The following PPP1R14C variants were observed in gnomAD, a reference collection of about 807,000 sequenced individuals.
PPP1R14C encodes protein phosphatase 1 regulatory subunit 14C.
Under a neutral mutation model 20.4 loss-of-function variants are expected in PPP1R14C, and 16 were observed. The ratio of observed to expected loss-of-function variants is 0.78; its 90% CI spans 0.53 to 1.19. The LOEUF is 1.19. Among genes scored for constraint, PPP1R14C ranks in the 50% most tolerant of loss-of-function variants. The probability of loss-of-function intolerance (pLI) is 0.00; values close to 1 mark genes in which losing one functional copy is unlikely to be tolerated. For synonymous variants in PPP1R14C, 91 were observed against 91.0 expected (o/e 1.00, Z 0.00); for missense variants, 211 against 220.1 (o/e 0.96, Z 0.26).
At chr6:150,162,034 C>G (rs1185491330) in intron 1 of PPP1R14C, among the ~76,000 whole-genome samples, 2 of 150,468 alleles carry the variant, frequency 1.3e-5, no homozygotes, top group African/African-American at 2.4e-5. Context: ...CCATTTACCC[C>G]CCTCCGTTTA....
At chr6:150,199,143 G>C (rs991889210) in intron 1 of PPP1R14C, among the ~76,000 whole-genome samples, 1 of 152,060 alleles carries the variant, frequency 6.6e-6, no homozygotes, top group Non-Finnish European at 1.5e-5. Flanking sequence ...AGATATGACG[G>C]GTCAGTGGCT....
chr6:150,168,982 T>C (rs1777468303), intron 1 of PPP1R14C, among the ~76,000 whole-genome samples: 1 of 152,190 alleles, frequency 6.6e-6, no homozygotes, highest in Non-Finnish European at 1.5e-5. Context: ...GCTCAAGTCA[T>C]TGTCCTGCCT....
Position 150,249,370 on chromosome 6 carries a change from G to A in PPP1R14C, c.*550G>A. 2.5e-6 allele frequency: 1 copy of A among 398,906 alleles called. No homozygotes were observed. Among genetic ancestry groups the A allele is most frequent in the Non-Finnish European group, 4.4e-6 (1 of 226,086 alleles). The allele number at this position is 398,906 out of a possible 1,614,324, so 24.7% of individuals were successfully genotyped here. A position where few individuals can be genotyped will look rare whatever the true frequency, so the allele number is the denominator to read the frequency against. ...CACATGTGTTTTCAAGAGGCCACTA[G>A]GCATTCTTCACTGAGTGCTGCTGAC... On this transcript the variant is annotated 3_prime_UTR_variant, in exon 4 of 4. Transcript: ENST00000361131.
At chr6:150,150,037 T>G (rs958367976) in intron 1 of PPP1R14C, among the ~76,000 whole-genome samples, 3 of 152,238 alleles carry the variant, frequency 2.0e-5, no homozygotes, top group African/African-American at 7.2e-5. Flanking sequence ...CGGGACACAA[T>G]TCTTCAACAT....
At chr6:150,144,359 T>C (rs866358957) in intron 1 of PPP1R14C, among the ~76,000 whole-genome samples, 3 of 152,226 alleles carry the variant, frequency 2.0e-5, no homozygotes, top group Non-Finnish European at 4.4e-5. Context: ...GTGTATACAT[T>C]TGATTTAGGG....
intron 1 of PPP1R14C, among the ~76,000 whole-genome samples, chr6:150,161,268 A>G (rs1404124713): frequency 1.2e-5 from 1 of 80,116 alleles, no homozygotes; most frequent in Non-Finnish European, 2.3e-5. Flanking sequence ...TGACAGAGCA[A>G]GACTGTTTAA....
In PPP1R14C at chr6:150,185,442, A is replaced by G. The variant is rs1340030448; in HGVS notation, c.307-29302A>G. 6.6e-6 allele frequency among the ~76,000 whole-genome samples: 1 copy of G among 152,102 alleles called. No individual in the cohort carries two copies. The highest frequency in any genetic ancestry group is 1.5e-5 in the Non-Finnish European group (1 of 68,036). On this transcript the variant is annotated intron_variant, in intron 1 of 3. Transcript: ENST00000361131. The surrounding 1 kb of genome is among the most constrained non-coding windows in gnomAD (Gnocchi z 4.1). ...GTCTTGCCATGGGGACCATCCTTGC[A>G]TTAACCACAGGAATTTCCAGCAACA...
In PPP1R14C at chr6:150,157,344, C is replaced by T. The variant is rs115595983; in HGVS notation, c.306+13846C>T. ...TCCATGCTTGTGAATGTCTTCCTAA[C>T]TCTAGCCCCACTTTACAAAATCAAA... is the stretch of plus-strand genomic sequence containing the variant. On this transcript the variant is annotated intron_variant, in intron 1 of 3. Transcript: ENST00000361131. 7.4e-3 allele frequency among the ~76,000 whole-genome samples: 1,121 copies of T among 152,312 alleles called. 8 individuals carry two copies. The highest frequency in any genetic ancestry group is 0.025 in the African/African-American group (1,054 of 41,552).
chr6:150,201,898 T>C lies in PPP1R14C; in HGVS notation c.307-12846T>C, dbSNP rs1314192232. Among the ~76,000 whole-genome samples, 1 of 152,136 alleles carries C rather than the reference T, an allele frequency of 6.6e-6. No homozygotes were observed. The highest frequency in any genetic ancestry group is 2.4e-5 in the African/African-American group (1 of 41,424). ...AGAGGAGGGGTCAGGAGTGAAGTAT[T>C]CCATGAACCGTCACATTGCCTGCAT... On this transcript the variant is annotated intron_variant, in intron 1 of 3. Coordinates refer to ENST00000361131, the MANE Select transcript of PPP1R14C (RefSeq NM_030949.3). This position sits in a 1 kb window ranked among gnomAD's most constrained non-coding sequence, Gnocchi z 4.2.
At chr6:150,200,598 C>T (rs1777865303) in intron 1 of PPP1R14C, among the ~76,000 whole-genome samples, 1 of 152,196 alleles carries the variant, frequency 6.6e-6, no homozygotes. Flanking sequence ...CCTTTGGACA[C>T]ACCCCTAGGT....
intron 1 of PPP1R14C, chr6:150,194,733 G>A (rs1777782963): frequency 1.0e-6 from 1 of 985,258 alleles, no homozygotes; most frequent in African/African-American, 1.7e-5. Context: ...ACGTAAAAGA[G>A]GCTCTTATAA....
chr6:150,143,745 G>C lies in PPP1R14C; in HGVS notation c.306+247G>C, dbSNP rs1390603666. 6.6e-6 allele frequency among the ~76,000 whole-genome samples: 1 copy of C among 152,072 alleles called. No homozygotes were observed. Among genetic ancestry groups the C allele is most frequent in the African/African-American group, 2.4e-5 (1 of 41,414 alleles). On this transcript the variant is annotated intron_variant, in intron 1 of 3. Coordinates refer to ENST00000361131, the MANE Select transcript of PPP1R14C (RefSeq NM_030949.3). This position sits in a 1 kb window ranked among gnomAD's most constrained non-coding sequence, Gnocchi z 5.6. ...ATCTGCGGGCCCCCTTGGTGGCCGT[G>C]GGGAGGGTTGGGTCCCGCGGAGCAC... is the stretch of plus-strand genomic sequence containing the variant.
At chr6:150,156,134 C>A (rs1777303849) in intron 1 of PPP1R14C, among the ~76,000 whole-genome samples, 1 of 151,446 alleles carries the variant, frequency 6.6e-6, no homozygotes, top group Non-Finnish European at 1.5e-5. Context: ...TCTTTCTTTG[C>A]CAGGTTTGCA....
chr6:150,167,948 C>T (rs1028065370), intron 1 of PPP1R14C, among the ~76,000 whole-genome samples: 6 of 152,130 alleles, frequency 3.9e-5, no homozygotes, highest in African/African-American at 1.4e-4. Context: ...TCTCCGTTCT[C>T]CCCTTCTCTC....
intron 1 of PPP1R14C, among the ~76,000 whole-genome samples, chr6:150,172,216 C>T (rs1362990136): frequency 3.3e-5 from 5 of 152,140 alleles, no homozygotes; most frequent in South Asian, 2.1e-4. Flanking sequence ...CATCATTAGA[C>T]GGGTTATAGA....
At chr6:150,204,594 C>T (rs377481560) in intron 1 of PPP1R14C, among the ~76,000 whole-genome samples, 4 of 152,332 alleles carry the variant, frequency 2.6e-5, no homozygotes, top group South Asian at 4.1e-4. Context: ...GCACAACGTG[C>T]GTGGGCATGA....
chr6:150,154,950 A>C (rs7765984), intron 1 of PPP1R14C, among the ~76,000 whole-genome samples: 40,491 of 152,100 alleles, frequency 0.27, 5,578 homozygotes, highest in South Asian at 0.38. Context: ...GTTTGACTTA[A>C]GATTTTTAGG....
chr6:150,206,742 C>T (rs1777956367), intron 1 of PPP1R14C, among the ~76,000 whole-genome samples: 1 of 152,178 alleles, frequency 6.6e-6, no homozygotes, highest in South Asian at 2.1e-4. Context: ...TCAGGACCTG[C>T]TCTCCTGGGT....
intron 1 of PPP1R14C, among the ~76,000 whole-genome samples, chr6:150,156,118 CTTCT>C (rs1428160580): frequency 6.7e-6 from 1 of 149,030 alleles, no homozygotes; most frequent in African/African-American, 2.5e-5. Context: ...GAGTGAGCTA[CTTCT>C]TTCTTTCTTT....
Sources: allele counts gnomAD v4.1 joint callset (sites outside exome capture counted in the v4.1 genomes callset), GRCh38; gene constraint gnomAD v4.1.1; non-coding constraint Gnocchi (gnomAD v3.1); transcripts MANE v1.5; gene names NCBI Gene and HGNC (gene_info 2026-07-23, HGNC 2026-07-21).